CARF: variants seen among roughly 807,000 people sequenced by gnomAD.
The protein encoded by CARF is calcium-responsive transcription factor.
A neutral mutation model predicts 82.0 loss-of-function variants in CARF; 57 were observed. The ratio of observed to expected loss-of-function variants is 0.70; its 90% CI spans 0.56 to 0.87. The LOEUF (loss-of-function observed/expected upper bound fraction) is 0.87. CARF is among the 40% of genes least tolerant of loss of function. CARF has a pLI of 0.00. For synonymous variants in CARF, 268 were observed against 290.1 expected (o/e 0.92, Z 0.77); for missense variants, 771 against 855.8 (o/e 0.90, Z 1.24).
In CARF at chr2:202,942,773, T is replaced by G; in HGVS notation, c.112T>G (p.Phe38Val). Residue 38 changes from phenylalanine (F) to valine (V), a missense_variant, in exon 5 of 17, where the codon TTT becomes GTT. Phe to Val is a conservative substitution (Grantham distance 50). Transcript: ENST00000438828. ...CTGTATGGACTCCAGGGATTCTTCC[T>G]TTGGACAAAATGATTCTCCTACAGT... ...LICMDSRDSSFGQNDSPTVLP... is the reference protein window; with the variant it reads ...LICMDSRDSSVGQNDSPTVLP... The G allele has an allele frequency of 6.2e-7, 1 of 1,614,106 alleles. No homozygotes were observed. The highest frequency in any genetic ancestry group is 8.5e-7 in the Non-Finnish European group (1 of 1,179,986).
intron 8 of CARF, among the ~76,000 whole-genome samples, chr2:202,957,729 C>A (rs781120028): frequency 6.6e-6 from 1 of 152,074 alleles, no homozygotes; most frequent in Non-Finnish European, 1.5e-5. Context: ...CCAAAGCGGG[C>A]AGATCACTTG....
At position 202,930,061 on chromosome 2, in the gene CARF, G is replaced by C. The variant is rs115236846; in HGVS notation, c.-44+5646G>C. Among the ~76,000 whole-genome samples the C allele has an allele frequency of 5.0e-3, 758 of 151,952 alleles. 6 individuals carry two copies. The highest frequency in any genetic ancestry group is 0.017 in the African/African-American group (720 of 41,464). ...TGTGTGGGGGGTTTTGTTTTGTTTTGTTTTGAGACAGGGCCTCAATCTGTC... is the reference window on the plus strand; with the variant it reads ...TGTGTGGGGGGTTTTGTTTTGTTTTCTTTTGAGACAGGGCCTCAATCTGTC... On this transcript the variant is annotated intron_variant, in intron 3 of 16. Coordinates refer to ENST00000438828, the MANE Select transcript of CARF (RefSeq NM_024744.17).
chr2:202,964,788 A>G (rs2059473079), intron 9 of CARF, among the ~76,000 whole-genome samples: 1 of 151,476 alleles, frequency 6.6e-6, no homozygotes, highest in Non-Finnish European at 1.5e-5. Context: ...TTTCAGATAT[A>G]TCATTCCATC....
chr2:202,965,260 T>C (rs1462710766), intron 9 of CARF, among the ~76,000 whole-genome samples: 1 of 152,180 alleles, frequency 6.6e-6, no homozygotes, highest in Non-Finnish European at 1.5e-5. Flanking sequence ...AAATGCAGAT[T>C]TGATTTTTGC....
At chr2:202,924,245 A>G (rs1691379348) in intron 2 of CARF, 52 bp from the exon 3 acceptor site, 1 of 152,218 alleles carries the variant, frequency 6.6e-6, no homozygotes, top group Non-Finnish European at 1.5e-5. Context: ...AAATTTTGAC[A>G]AAGTCTAATT....
In CARF at chr2:202,977,301, CAA is replaced by C; in HGVS notation, c.1529_1530del (p.Lys510ArgfsTer33). The C allele has an allele frequency of 1.2e-6, 2 of 1,612,528 alleles. No homozygotes were observed. The highest frequency in any genetic ancestry group is 1.7e-6 in the Non-Finnish European group (2 of 1,179,056). The part of the protein sequence containing the change: ...QWTTDSGNIL[K>X]ETMTVTFAEG... The stretch of plus-strand genomic sequence containing the variant: ...GGACTACAGACAGTGGGAATATTCT[CAA>C]AGAGACCATGACAGTTACATTTGCA... On this transcript the variant is annotated frameshift_variant, in exon 14 of 17. Transcript: ENST00000438828. LOFTEE classifies it high-confidence loss of function.
chr2:202,982,073 G>GTTTT lies in CARF; in HGVS notation c.1694_1695insTTTT (p.Leu565PhefsTer12). 1 of 1,612,542 alleles carries GTTTT rather than the reference G, an allele frequency of 6.2e-7. No homozygotes were observed. The highest frequency in any genetic ancestry group is 2.2e-5 in the East Asian group (1 of 44,868). On this transcript the variant is annotated frameshift_variant and splice_region_variant, in exon 16 of 17. Transcript: ENST00000438828. LOFTEE classifies it high-confidence loss of function. Reference sequence around the variant, plus strand: ...GATGTACTCTTTTTGGTTTAAAAGGGTTTGCAGTTACAACCAAGGTACACC... The same window carrying GTTTT: ...GATGTACTCTTTTTGGTTTAAAAGGGTTTTTTTGCAGTTACAACCAAGGTACACC...
At chr2:202,970,859 C>CTTTTTT in intron 11 of CARF, among the ~76,000 whole-genome samples, 1 of 135,482 alleles carries the variant, frequency 7.4e-6, no homozygotes. Flanking sequence ...GTCTACTTTT[C>CTTTTTT]TTTTTTTTTT....
intron 8 of CARF, among the ~76,000 whole-genome samples, chr2:202,957,644 A>G (rs925977886): frequency 1.3e-5 from 2 of 152,088 alleles, no homozygotes; most frequent in South Asian, 2.1e-4. Flanking sequence ...TTTAGTATTA[A>G]TTGTCATTCT....
intron 10 of CARF, among the ~76,000 whole-genome samples, chr2:202,969,573 C>G (rs2059695451): frequency 8.1e-6 from 1 of 122,890 alleles, no homozygotes; most frequent in Non-Finnish European, 1.6e-5. Flanking sequence ...AAAACTCCAT[C>G]TCAAAAAATA....
intron 13 of CARF, among the ~76,000 whole-genome samples, chr2:202,976,287 G>A (rs1261523946): frequency 6.6e-6 from 1 of 151,368 alleles, no homozygotes; most frequent in Non-Finnish European, 1.5e-5. Context: ...CTATTCTCCT[G>A]CCTCAGCCTC....
chr2:202,914,516 G>A (rs1161085128), intron 1 of CARF, among the ~76,000 whole-genome samples: 1 of 152,034 alleles, frequency 6.6e-6, no homozygotes, highest in African/African-American at 2.4e-5. Flanking sequence ...CTCTCAAAGA[G>A]CAGCCTAATC....
At position 202,983,526 on chromosome 2, in the gene CARF, A is replaced by G; in HGVS notation, c.2080A>G (p.Thr694Ala). 1.2e-6 allele frequency: 2 copies of G among 1,607,482 alleles called. No homozygotes were observed. Among genetic ancestry groups the G allele is most frequent in the African/African-American group, 2.7e-5 (2 of 74,630 alleles). The change falls in exon 17 of 17, where the codon ACC becomes GCC. Residue 694 changes from threonine to alanine, a missense_variant. By Grantham distance (58) the Thr-to-Ala change is moderately conservative. Coordinates refer to ENST00000438828, the MANE Select transcript of CARF (RefSeq NM_024744.17). ...SALIEENPES[T>A]ISVSQVKQEP... ...TAAAGTTGAAGAAAATCCAGAAAGT[A>G]CCATTTCTGTGAGCCAAGTTAAACA...
intron 5 of CARF, among the ~76,000 whole-genome samples, chr2:202,946,183 A>G (rs2058488472): frequency 6.6e-6 from 1 of 152,220 alleles, no homozygotes; most frequent in Admixed American, 6.5e-5. Context: ...AAGAGCCTGT[A>G]TAGCCAAGAC....
intron 1 of CARF, among the ~76,000 whole-genome samples, chr2:202,916,707 T>G (rs1293754115): frequency 6.6e-6 from 1 of 152,184 alleles, no homozygotes. Context: ...ACAACATGGT[T>G]GGATGTTAAG....
chr2:202,938,839 CA>C (rs528572770), intron 3 of CARF, among the ~76,000 whole-genome samples: 1 of 152,200 alleles, frequency 6.6e-6, no homozygotes, highest in East Asian at 1.9e-4. Context: ...CTTGGCCTCC[CA>C]AAATGCTAGG....
intron 3 of CARF, among the ~76,000 whole-genome samples, chr2:202,935,076 CAA>C (rs1036393841): frequency 1.1e-5 from 1 of 94,004 alleles, no homozygotes; most frequent in Admixed American, 1.2e-4. Context: ...GACCTTGTCT[CAA>C]AAAAAAAATA....
intron 16 of CARF, among the ~76,000 whole-genome samples, chr2:202,983,059 A>G (rs568002578): frequency 6.6e-6 from 1 of 151,840 alleles, no homozygotes. Context: ...CAAATTCTTT[A>G]ATTTTTTTTT....
chr2:202,966,720 A>AC (rs1288944197), intron 9 of CARF, among the ~76,000 whole-genome samples: 1 of 152,202 alleles, frequency 6.6e-6, no homozygotes, highest in East Asian at 1.9e-4. Context: ...AAAAAAAAAA[A>AC]AATTATATGC....
Sources: gnomAD v4.1 joint callset for allele counts (sites outside exome capture counted in the v4.1 genomes callset) on GRCh38, gnomAD v4.1.1 for gene constraint, MANE v1.5 for transcripts, NCBI Gene and HGNC (gene_info 2026-07-23, HGNC 2026-07-21) for gene names.